ROBO2: variants seen among roughly 807,000 people sequenced by gnomAD.
ROBO2 encodes the protein roundabout homolog 2.
Under a neutral mutation model 160.8 loss-of-function variants are expected in ROBO2, and 53 were observed. The ratio of observed to expected loss-of-function variants is 0.33; its 90% CI spans 0.26 to 0.41. The LOEUF (loss-of-function observed/expected upper bound fraction) is 0.41. Among genes scored for constraint, ROBO2 ranks in the 10% least tolerant of loss-of-function variants. ROBO2 has a pLI of 1.00. For synonymous variants in ROBO2, 664 were observed against 611.7 expected (o/e 1.09, Z -1.26); for missense variants, 1,577 against 1,722.4 (o/e 0.92, Z 1.49).
At chr3:76,279,654 C>A (rs186710864) in intron 2 of ROBO2, among the ~76,000 whole-genome samples, 3 of 151,880 alleles carry the variant, frequency 2.0e-5, no homozygotes, top group African/African-American at 7.2e-5. Flanking sequence ...TGTATTAAAC[C>A]CTAATGTCCT....
intron 2 of ROBO2, among the ~76,000 whole-genome samples, chr3:77,329,331 T>A (rs1391069530): frequency 6.6e-6 from 1 of 152,216 alleles, no homozygotes; most frequent in East Asian, 1.9e-4. Context: ...TTTGGAAACT[T>A]CTGTTTCTAT....
chr3:77,617,453 T>C, intron 21 of ROBO2, 60 bp from the exon 23 acceptor site: 1 of 1,583,830 alleles, frequency 6.3e-7, no homozygotes, highest in Non-Finnish European at 8.7e-7. Flanking sequence ...AGTATAATTG[T>C]GTGCATGTAT....
intron 2 of ROBO2, among the ~76,000 whole-genome samples, chr3:77,019,936 T>C (rs1171785196): frequency 6.6e-6 from 1 of 152,182 alleles, no homozygotes; most frequent in Admixed American, 6.6e-5. Context: ...GTCGACTTGG[T>C]TATGGGGCTT....
chr3:76,663,826 C>T (rs2091918171), intron 2 of ROBO2, among the ~76,000 whole-genome samples: 1 of 151,964 alleles, frequency 6.6e-6, no homozygotes, highest in South Asian at 2.1e-4. Flanking sequence ...ATCGCTTGAA[C>T]CCGGGAGGCG....
chr3:77,617,599 A>T, exon 22 of ROBO2: 1 of 1,614,180 alleles, frequency 6.2e-7, no homozygotes, highest in Non-Finnish European at 8.5e-7. Flanking sequence ...GAAGATGATG[A>T]TAGGGTCCCA....
chr3:77,074,633 A>G (rs2067762342), intron 1 of ROBO2, among the ~76,000 whole-genome samples: 1 of 151,956 alleles, frequency 6.6e-6, no homozygotes, highest in Admixed American at 6.6e-5. Context: ...TTTCTCTCCC[A>G]TTTTTACAAT....
chr3:77,122,488 G>A (rs1320233921), intron 2 of ROBO2, among the ~76,000 whole-genome samples: 1 of 152,150 alleles, frequency 6.6e-6, no homozygotes, highest in Admixed American at 6.5e-5. Flanking sequence ...CTTTGCTTTT[G>A]TGTGGATTAA....
chr3:77,219,432 GTGTATA>G (rs1341912317), intron 2 of ROBO2, among the ~76,000 whole-genome samples: 12 of 76,754 alleles, frequency 1.6e-4, no homozygotes, highest in African/African-American at 5.0e-4. Context: ...GTGTATGTGT[GTGTATA>G]TATATATATA....
Position 77,640,325 on chromosome 3 carries a change from G to A in ROBO2, c.3935-4379G>A, listed in dbSNP as rs2095332206. Among the ~76,000 whole-genome samples, 3 of 152,098 alleles carry A rather than the reference G, an allele frequency of 2.0e-5. No homozygotes were observed. In the South Asian group the frequency reaches 6.2e-4, roughly 32 times the overall value. The stretch of plus-strand genomic sequence containing the variant: ...AGACGGGGTTTCACTGTGTTAGCCA[G>A]GATGGTCTCGATCTCTTGACCTCGT... On this transcript the variant is annotated intron_variant, in intron 24 of 25. Transcript: ENST00000461745.
At chr3:76,215,687 G>T (rs1238815163) in intron 2 of ROBO2, among the ~76,000 whole-genome samples, 3 of 152,180 alleles carry the variant, frequency 2.0e-5, no homozygotes, top group African/African-American at 4.8e-5. Flanking sequence ...TGTCTAATTG[G>T]TGTACCTGAA....
intron 1 of ROBO2, among the ~76,000 whole-genome samples, chr3:77,077,293 C>T (rs1489438769): frequency 1.3e-5 from 2 of 151,962 alleles, no homozygotes; most frequent in East Asian, 1.9e-4. Context: ...GAATTATAGC[C>T]GTATTAATAA....
intron 2 of ROBO2, among the ~76,000 whole-genome samples, chr3:76,441,298 C>T (rs915664763): frequency 1.3e-5 from 2 of 152,168 alleles, no homozygotes; most frequent in African/African-American, 4.8e-5. Flanking sequence ...TGCCAACATT[C>T]TGGTAAACCT....
chr3:76,092,082 A>G (rs1319677204), intron 2 of ROBO2, among the ~76,000 whole-genome samples: 8 of 152,108 alleles, frequency 5.3e-5, no homozygotes, highest in South Asian at 2.1e-4. Flanking sequence ...AGTGATAACA[A>G]TGTGTCAGTG....
intron 2 of ROBO2, among the ~76,000 whole-genome samples, chr3:76,285,430 A>G (rs903160946): frequency 3.3e-5 from 5 of 152,104 alleles, no homozygotes; most frequent in African/African-American, 1.2e-4. Flanking sequence ...AAAACTCTTG[A>G]TTGCCAGCAG....
At chr3:77,563,295 C>A in exon 11 of ROBO2, 1 of 1,613,588 alleles carries the variant, frequency 6.2e-7, no homozygotes, top group Non-Finnish European at 8.5e-7. Flanking sequence ...CCCTGGAACC[C>A]TTCCAGCAAG....
At chr3:75,929,095 G>C (rs1264943582) in intron 1 of ROBO2, among the ~76,000 whole-genome samples, 1 of 133,288 alleles carries the variant, frequency 7.5e-6, no homozygotes, top group Non-Finnish European at 1.6e-5. Context: ...TGTGTGGAGG[G>C]GGGGTAGCTG....
chr3:76,241,930 G>A (rs938955241), intron 2 of ROBO2, among the ~76,000 whole-genome samples: 3 of 152,184 alleles, frequency 2.0e-5, no homozygotes, highest in African/African-American at 7.2e-5. Context: ...AGCAAAGTGA[G>A]AAGAGATTAG....
At chr3:75,908,456 G>GT (rs2106700495) in intron 1 of ROBO2, among the ~76,000 whole-genome samples, 1 of 41,638 alleles carries the variant, frequency 2.4e-5, no homozygotes, top group African/African-American at 9.6e-5. Context: ...TGTAGATGTA[G>GT]AGACTGTGTC....
intron 2 of ROBO2, among the ~76,000 whole-genome samples, chr3:76,262,963 A>G (rs1298764912): frequency 1.3e-5 from 2 of 152,134 alleles, no homozygotes; most frequent in African/African-American, 4.8e-5. Context: ...ATTGGCAACT[A>G]CTTTAGAGCA....
Sources: gnomAD v4.1 joint callset for allele counts (sites outside exome capture counted in the v4.1 genomes callset) on GRCh38, gnomAD v4.1.1 for gene constraint, MANE v1.5 for transcripts, NCBI Gene and HGNC (gene_info 2026-07-23, HGNC 2026-07-21) for gene names.